ATOSB: variants seen among roughly 807,000 people sequenced by gnomAD.
ATOSB encodes atos homolog B.
At chr9:35,105,771 G>T in the ATOSB span, 1 of 1,614,134 alleles carries the variant, frequency 6.2e-7, no homozygotes, top group South Asian at 1.1e-5. This position sits in a 1 kb window ranked among gnomAD's most constrained non-coding sequence, Gnocchi z 5.5. Flanking sequence ...GATGGCGCAG[G>T]AAGGTCATGT....
the ATOSB span, among the ~76,000 whole-genome samples, chr9:35,114,616 C>A: frequency 6.6e-6 from 1 of 152,154 alleles, no homozygotes; most frequent in Non-Finnish European, 1.5e-5. Context: ...ATAGTGCTTC[C>A]AAGCCTGGAG....
the ATOSB span, chr9:35,105,654 C>G: frequency 6.2e-7 from 1 of 1,608,298 alleles, no homozygotes; most frequent in Non-Finnish European, 8.5e-7. The surrounding 1 kb of genome is among the most constrained non-coding windows in gnomAD (Gnocchi z 5.5). Context: ...CCTGGGCCTC[C>G]CCAGCCATCC....
At chr9:35,108,952 A>T in the ATOSB span, 1 of 152,152 alleles carries the variant, frequency 6.6e-6, no homozygotes, top group African/African-American at 2.4e-5. Context: ...TATAATAAGG[A>T]TGTGACAAGT....
chr9:35,115,869 C>T, the ATOSB span: 1 of 152,470 alleles, frequency 6.6e-6, no homozygotes, highest in Admixed American at 6.5e-5. Context: ...TACTGAGCAG[C>T]CCTAGCTGTA....
chr9:35,112,599 A>C, the ATOSB span, among the ~76,000 whole-genome samples: 1 of 152,238 alleles, frequency 6.6e-6, no homozygotes, highest in Non-Finnish European at 1.5e-5. Context: ...TTGAGCATTC[A>C]AAGACACTTT....
At chr9:35,108,455 G>C in the ATOSB span, 3 of 1,366,264 alleles carry the variant, frequency 2.2e-6, no homozygotes, top group Non-Finnish European at 2.8e-6. Flanking sequence ...ACTTTGATGG[G>C]TTCCCAAGGA....
chr9:35,107,498 C>T, the ATOSB span: 18 of 1,606,794 alleles, frequency 1.1e-5, no homozygotes, highest in Non-Finnish European at 1.4e-5. Context: ...GAGGGGCTGG[C>T]CCCTCTTCCT....
the ATOSB span, chr9:35,108,284 C>T: frequency 3.3e-6 from 5 of 1,535,784 alleles, no homozygotes; most frequent in Non-Finnish European, 2.6e-6. Context: ...TGAAGCCCCC[C>T]TTGGGTCAGG....
the ATOSB span, among the ~76,000 whole-genome samples, chr9:35,112,836 AC>A: frequency 6.6e-6 from 1 of 150,972 alleles, no homozygotes; most frequent in Admixed American, 6.6e-5. Flanking sequence ...TGTGCTGTGG[AC>A]CCCCCAGGGC....
chr9:35,113,680 G>A, the ATOSB span, among the ~76,000 whole-genome samples: 7 of 143,596 alleles, frequency 4.9e-5, no homozygotes, highest in African/African-American at 1.1e-4. Context: ...AAATAAAGAG[G>A]CCTTACCTTC....
the ATOSB span, chr9:35,105,728 T>C: frequency 6.2e-7 from 1 of 1,613,874 alleles, no homozygotes; most frequent in Non-Finnish European, 8.5e-7. The surrounding 1 kb of genome is among the most constrained non-coding windows in gnomAD (Gnocchi z 5.5). Context: ...GGGTTAGCAT[T>C]TCCCTCCTCA....
chr9:35,106,325 G>A, the ATOSB span: 2 of 1,614,170 alleles, frequency 1.2e-6, no homozygotes, highest in Non-Finnish European at 1.7e-6. This position sits in a 1 kb window ranked among gnomAD's most constrained non-coding sequence, Gnocchi z 4.6. Flanking sequence ...GACGTGCTGG[G>A]GGCAGTATGA....
At chr9:35,112,318 C>T in the ATOSB span, 25 of 152,446 alleles carry the variant, frequency 1.6e-4, no homozygotes, top group African/African-American at 5.5e-4. Context: ...TGCCAGCACT[C>T]TTTCTACTCA....
the ATOSB span, chr9:35,106,864 G>A: frequency 7.6e-6 from 12 of 1,572,938 alleles, no homozygotes; most frequent in Non-Finnish European, 8.6e-6. This position sits in a 1 kb window ranked among gnomAD's most constrained non-coding sequence, Gnocchi z 4.6. Flanking sequence ...TTCAGCCTCC[G>A]CCCCATGGGA....
At chr9:35,108,670 G>A in the ATOSB span, 2 of 1,012,434 alleles carry the variant, frequency 2.0e-6, no homozygotes, top group East Asian at 2.1e-4. Flanking sequence ...CTTGCAGTCT[G>A]ATCCATGCCT....
chr9:35,108,160 C>T, the ATOSB span: 1 of 1,586,444 alleles, frequency 6.3e-7, no homozygotes, highest in African/African-American at 1.4e-5. Context: ...GCCCCCCCTG[C>T]TGGGCTGTAG....
the ATOSB span, among the ~76,000 whole-genome samples, chr9:35,112,954 C>T: frequency 2.0e-5 from 3 of 152,118 alleles, no homozygotes; most frequent in Non-Finnish European, 4.4e-5. Flanking sequence ...CTCTAAGCTC[C>T]CTTCTCCTTA....
the ATOSB span, chr9:35,105,477 A>G: frequency 7.1e-7 from 1 of 1,406,248 alleles, no homozygotes; most frequent in East Asian, 2.3e-5. The surrounding 1 kb of genome is among the most constrained non-coding windows in gnomAD (Gnocchi z 5.5). Context: ...GGACTGCTTG[A>G]GCCCAGGAGT....
the ATOSB span, chr9:35,106,934 A>G: frequency 2.9e-3 from 4,416 of 1,528,990 alleles, 127 homozygotes; most frequent in African/African-American, 0.054. This position sits in a 1 kb window ranked among gnomAD's most constrained non-coding sequence, Gnocchi z 4.6. Context: ...GGTGAAGGCC[A>G]TGTATGTTTT....
Sources: allele counts gnomAD v4.1 joint callset (sites outside exome capture counted in the v4.1 genomes callset), GRCh38; gene constraint gnomAD v4.1.1; non-coding constraint Gnocchi (gnomAD v3.1); transcripts MANE v1.5; gene names NCBI Gene and HGNC (gene_info 2026-07-23, HGNC 2026-07-21).